Variants in THSD7A observed in about 807,000 individuals in gnomAD.
THSD7A encodes the protein thrombospondin type-1 domain-containing protein 7A.
Under a neutral mutation model 231.3 loss-of-function variants are expected in THSD7A, and 96 were observed. That is an observed-to-expected ratio of 0.41 (90% CI 0.35 to 0.49). The LOEUF is 0.49. Ranked by LOEUF, THSD7A falls within the 20% of genes least tolerant of loss-of-function variation. The probability of loss-of-function intolerance (pLI) is 0.05; values close to 1 mark genes in which losing one functional copy is unlikely to be tolerated. For missense variants in THSD7A, 2,290 were observed against 2,070.2 expected, an observed-to-expected ratio of 1.11 and a Z score of -2.06; for synonymous variants, 940 against 743.3, an observed-to-expected ratio of 1.26 and a Z score of -4.30.
chr7:11,742,948 A>G (rs1583247213), intron 1 of THSD7A, among the ~76,000 whole-genome samples: 1 of 151,924 alleles, frequency 6.6e-6, no homozygotes, highest in Admixed American at 6.6e-5. Flanking sequence ...TGATATTACC[A>G]TCAATGTTAG....
At position 11,548,526 on chromosome 7, in the gene THSD7A, C is replaced by T. The variant is rs966122589; in HGVS notation, c.1454-5409G>A. Among the ~76,000 whole-genome samples, 11 of 151,864 alleles carry T rather than the reference C, an allele frequency of 7.2e-5. No homozygotes were observed. In the East Asian group the frequency reaches 1.2e-3, roughly 16 times the overall value. On this transcript the variant is annotated intron_variant, in intron 4 of 27. Coordinates refer to ENST00000423059, the MANE Select transcript of THSD7A (RefSeq NM_015204.3). ...TCATTCTATGAGGCTAGCATCATTC[C>T]GATACCAAAACCTGGCAGAGACACA...
intron 1 of THSD7A, among the ~76,000 whole-genome samples, chr7:11,719,301 C>A (rs143388075): frequency 8.6e-5 from 13 of 151,716 alleles, no homozygotes; most frequent in African/African-American, 2.9e-4. Flanking sequence ...CAGGTGACTT[C>A]TTTCTCCTAT....
At chr7:11,710,667 T>A (rs143358130) in intron 1 of THSD7A, among the ~76,000 whole-genome samples, 152 of 150,966 alleles carry the variant, frequency 1.0e-3, no homozygotes, top group African/African-American at 3.4e-3. Context: ...TTGATTGAAG[T>A]TTGCAAAATG....
chr7:11,768,293 T>C (rs1483304341), intron 1 of THSD7A, among the ~76,000 whole-genome samples: 3 of 152,172 alleles, frequency 2.0e-5, no homozygotes, highest in African/African-American at 2.4e-5. Context: ...AACGGAATCA[T>C]ATGTTTGTCA....
chr7:11,425,397 C>T (rs1217288438), intron 15 of THSD7A, among the ~76,000 whole-genome samples: 1 of 151,776 alleles, frequency 6.6e-6, no homozygotes, highest in African/African-American at 2.4e-5. Context: ...GAAATAAAGC[C>T]ATCTTAAAAC....
intron 6 of THSD7A, among the ~76,000 whole-genome samples, chr7:11,522,317 G>T (rs1421542033): frequency 1.3e-5 from 2 of 152,148 alleles, no homozygotes; most frequent in African/African-American, 2.4e-5. Context: ...ACATGCAATT[G>T]AAGTAGGTAA....
chr7:11,745,807 T>TCTGTTTTGGTACCAGTACCATG, intron 1 of THSD7A, among the ~76,000 whole-genome samples: 1 of 152,112 alleles, frequency 6.6e-6, no homozygotes, highest in Non-Finnish European at 1.5e-5. Flanking sequence ...GGTCTATATC[T>TCTGTTTTGGTACCAGTACCATG]CTGTTTTGGT....
At chr7:11,480,406 G>A (rs1395344688) in intron 7 of THSD7A, among the ~76,000 whole-genome samples, 1 of 152,144 alleles carries the variant, frequency 6.6e-6, no homozygotes, top group East Asian at 1.9e-4. Context: ...TGAATTTACA[G>A]GAAGCAGGGT....
At chr7:11,389,404 T>C (rs989334391) in intron 23 of THSD7A, among the ~76,000 whole-genome samples, 1 of 145,482 alleles carries the variant, frequency 6.9e-6, no homozygotes, top group African/African-American at 2.5e-5. Flanking sequence ...TATCAGAGAC[T>C]AGAATTGCAA....
At chr7:11,487,906 T>C (rs1299588275) in intron 6 of THSD7A, among the ~76,000 whole-genome samples, 1 of 151,974 alleles carries the variant, frequency 6.6e-6, no homozygotes, top group African/African-American at 2.4e-5. Flanking sequence ...CTGCCTATTC[T>C]CTAAACGCCT....
At chr7:11,786,098 T>G (rs1783783285) in intron 1 of THSD7A, among the ~76,000 whole-genome samples, 1 of 152,056 alleles carries the variant, frequency 6.6e-6, no homozygotes, top group Non-Finnish European at 1.5e-5. Context: ...TTTTAAATCT[T>G]CAATTGCTCT....
chr7:11,593,146 AT>A, intron 3 of THSD7A, 107 bp downstream of exon 3: 2 of 1,421,120 alleles, frequency 1.4e-6, no homozygotes, highest in South Asian at 1.4e-5. Context: ...TTGTAAAGAT[AT>A]TTTTTATGTG....
chr7:11,532,511 C>T (rs1332967652), intron 6 of THSD7A, among the ~76,000 whole-genome samples: 2 of 152,176 alleles, frequency 1.3e-5, no homozygotes, highest in Non-Finnish European at 2.9e-5. Context: ...AAATCATTTG[C>T]CATAATTCTC....
chr7:11,482,465 T>G (rs1174102414), intron 6 of THSD7A, among the ~76,000 whole-genome samples: 13 of 152,210 alleles, frequency 8.5e-5, no homozygotes, highest in Non-Finnish European at 7.3e-5. Flanking sequence ...GTAGTTATTT[T>G]CATACAATTG....
At chr7:11,782,273 T>C (rs564250401) in intron 1 of THSD7A, among the ~76,000 whole-genome samples, 6 of 152,314 alleles carry the variant, frequency 3.9e-5, no homozygotes, top group Non-Finnish European at 7.4e-5. Context: ...CCATCTGCCA[T>C]AGTTATAATA....
chr7:11,450,988 C>T (rs1304169150), intron 11 of THSD7A, among the ~76,000 whole-genome samples: 2 of 151,950 alleles, frequency 1.3e-5, no homozygotes, highest in South Asian at 4.2e-4. Context: ...ATATAAAGCA[C>T]AGCAATTTTT....
intron 1 of THSD7A, among the ~76,000 whole-genome samples, chr7:11,705,083 G>T (rs1780721395): frequency 6.6e-6 from 1 of 150,988 alleles, no homozygotes. Flanking sequence ...TACTTATATA[G>T]AGAGAGGAAG....
intron 6 of THSD7A, among the ~76,000 whole-genome samples, chr7:11,525,740 T>C (rs1788445701): frequency 6.6e-6 from 1 of 152,146 alleles, no homozygotes; most frequent in South Asian, 2.1e-4. Context: ...AAGTGTACAA[T>C]ATGACTTCTA....
chr7:11,476,843 T>TAAAAAAAA (rs1562641302), intron 7 of THSD7A, among the ~76,000 whole-genome samples: 51 of 131,738 alleles, frequency 3.9e-4, no homozygotes, highest in African/African-American at 1.2e-3. Context: ...AAAGATAGTG[T>TAAAAAAAA]AGAAAGCGAT....
Sources: allele counts gnomAD v4.1 joint callset (sites outside exome capture counted in the v4.1 genomes callset), GRCh38; gene constraint gnomAD v4.1.1; transcripts MANE v1.5; gene names NCBI Gene and HGNC (gene_info 2026-07-23, HGNC 2026-07-21).